BDNF: variants seen among roughly 807,000 people sequenced by gnomAD.
BDNF encodes the protein neurotrophic factor BDNF precursor form.
BDNF carries 1 observed loss-of-function variant against 19.5 expected under a neutral mutation model. That is an observed-to-expected ratio of 0.05 (90% CI 0.02 to 0.24). BDNF has a LOEUF of 0.24. Ranked by LOEUF, BDNF falls within the 10% of genes least tolerant of loss-of-function variation. The pLI, the probability that BDNF is intolerant of heterozygous loss-of-function variation, is 1.00. For synonymous variants in BDNF, 100 were observed against 121.6 expected, an observed-to-expected ratio of 0.82 and a Z score of 1.17; for missense variants, 195 against 317.6, an observed-to-expected ratio of 0.61 and a Z score of 2.93.
At chr11:27,671,586 G>A (rs762226990) in intron 1 of BDNF, among the ~76,000 whole-genome samples, 11 of 152,174 alleles carry the variant, frequency 7.2e-5, no homozygotes, top group Middle Eastern at 3.4e-3. Flanking sequence ...TATAAATTGT[G>A]TATTAATGCA....
At chr11:27,667,099 T>G (rs1854483159) in intron 1 of BDNF, among the ~76,000 whole-genome samples, 2 of 152,032 alleles carry the variant, frequency 1.3e-5, no homozygotes, top group South Asian at 2.1e-4. Flanking sequence ...CAGAAGAGAG[T>G]GGGGGCCAAT....
chr11:27,699,862 G>A (rs1859693798), intron 1 of BDNF, among the ~76,000 whole-genome samples: 2 of 152,156 alleles, frequency 1.3e-5, no homozygotes, highest in African/African-American at 2.4e-5. Flanking sequence ...AGGGCTGCGA[G>A]GGATCCCCGG....
intron 1 of BDNF, chr11:27,675,512 A>AT (rs1315215227): frequency 6.6e-6 from 1 of 152,192 alleles, no homozygotes; most frequent in Non-Finnish European, 1.5e-5. Context: ...AACGCTTTCA[A>AT]TTAAGGCCTA....
At chr11:27,713,348 A>C (rs935377800) in intron 1 of BDNF, among the ~76,000 whole-genome samples, 5 of 152,230 alleles carry the variant, frequency 3.3e-5, no homozygotes, top group African/African-American at 9.6e-5. Flanking sequence ...CAGTCAATTC[A>C]AGAGCCCCTG....
At position 27,656,654 on chromosome 11, in the gene BDNF, G is replaced by A. The variant is rs1310171536; in HGVS notation, c.*1167C>T. 1.9e-5 allele frequency: 19 copies of A among 985,544 alleles called. No homozygotes were observed. Among genetic ancestry groups the A allele is most frequent in the Non-Finnish European group, 2.3e-5 (19 of 829,924 alleles). 61.0% of individuals were successfully genotyped at this position (985,544 alleles called of 1,614,324 possible). On this transcript the variant is annotated 3_prime_UTR_variant, in exon 2 of 2. Transcript: ENST00000356660. ...AATGTGGATTCCTGTTCTGATCTAGGTGTTTCTGGGTTGATACAGGGCTCT... is the reference window on the plus strand; with the variant it reads ...AATGTGGATTCCTGTTCTGATCTAGATGTTTCTGGGTTGATACAGGGCTCT...
At chr11:27,671,567 T>C (rs1477816435) in intron 1 of BDNF, among the ~76,000 whole-genome samples, 1 of 152,192 alleles carries the variant, frequency 6.6e-6, no homozygotes, top group Non-Finnish European at 1.5e-5. Flanking sequence ...TAATTTTTTG[T>C]GTTAAATTTA....
At chr11:27,663,172 A>C (rs1853741744) in intron 1 of BDNF, among the ~76,000 whole-genome samples, 2 of 152,244 alleles carry the variant, frequency 1.3e-5, no homozygotes. Flanking sequence ...CTTCCAGGAC[A>C]ATTCTTCATT....
At chr11:27,659,124 A>T in intron 1 of BDNF, 3 of 1,005,050 alleles carry the variant, frequency 3.0e-6, no homozygotes, top group Non-Finnish European at 3.6e-6. Context: ...GCAGTTGGGG[A>T]ACTATAAGGA....
intron 1 of BDNF, among the ~76,000 whole-genome samples, chr11:27,664,730 C>T (rs1478351492): frequency 1.3e-5 from 2 of 152,120 alleles, no homozygotes; most frequent in African/African-American, 4.8e-5. Context: ...CTACAGTGAG[C>T]GATTGATCAT....
chr11:27,689,380 T>G (rs1564977558), intron 1 of BDNF, among the ~76,000 whole-genome samples: 1 of 152,232 alleles, frequency 6.6e-6, no homozygotes, highest in East Asian at 1.9e-4. Context: ...TTTTATAGAG[T>G]TATTTGTAGG....
At chr11:27,720,331 C>T in intron 1 of BDNF, 1 of 985,850 alleles carries the variant, frequency 1.0e-6, no homozygotes, top group Non-Finnish European at 1.2e-6. Context: ...AAGGGGTCCC[C>T]GCCCTGGTGC....
chr11:27,693,221 A>G (rs1028728494), intron 1 of BDNF, among the ~76,000 whole-genome samples: 9 of 152,344 alleles, frequency 5.9e-5, no homozygotes, highest in African/African-American at 2.2e-4. Context: ...TTTCAGTATT[A>G]TATTTCTAGC....
chr11:27,657,452 T>C lies in BDNF; in HGVS notation c.*369A>G, dbSNP rs974733727. The C allele has an allele frequency of 3.0e-6, 3 of 996,026 alleles. No individual in the cohort carries two copies. The highest frequency in any genetic ancestry group is 6.4e-5 in the Admixed American group (1 of 15,692). The allele number at this position is 996,026 out of a possible 1,614,324, so 61.7% of individuals were successfully genotyped here. On this transcript the variant is annotated 3_prime_UTR_variant, in exon 2 of 2. Transcript: ENST00000356660. The surrounding 1 kb of genome is among the most constrained non-coding windows in gnomAD (Gnocchi z 5.0). ...AATGTTTTGGTTCAAATTTTTGTTG[T>C]GTGTGTGTGTGTTTTTTTTCTGTTT...
chr11:27,690,228 A>G (rs1433036494), intron 1 of BDNF, among the ~76,000 whole-genome samples: 1 of 152,186 alleles, frequency 6.6e-6, no homozygotes, highest in East Asian at 1.9e-4. Context: ...TTTATCAGGT[A>G]CCATTTGTGA....
At chr11:27,678,154 C>T (rs1306721497) in intron 1 of BDNF, among the ~76,000 whole-genome samples, 1 of 152,172 alleles carries the variant, frequency 6.6e-6, no homozygotes, top group Non-Finnish European at 1.5e-5. Flanking sequence ...ATTCAAAAAC[C>T]CTGTTGCCTT....
At chr11:27,712,056 G>T (rs1451316666) in intron 1 of BDNF, among the ~76,000 whole-genome samples, 1 of 152,132 alleles carries the variant, frequency 6.6e-6, no homozygotes, top group Non-Finnish European at 1.5e-5. Flanking sequence ...CTCAGTATTT[G>T]GTCCTTTCCC....
At chr11:27,720,679 T>C in intron 1 of BDNF, 2 of 985,476 alleles carry the variant, frequency 2.0e-6, no homozygotes, top group Non-Finnish European at 2.4e-6. Context: ...ATCCGTTGGC[T>C]CTGTCCAAGG....
At chr11:27,686,738 G>A (rs1172764484) in intron 1 of BDNF, among the ~76,000 whole-genome samples, 1 of 152,132 alleles carries the variant, frequency 6.6e-6, no homozygotes, top group Non-Finnish European at 1.5e-5. Flanking sequence ...ACTCTCTTCT[G>A]GCTTGTAGGC....
intron 1 of BDNF, among the ~76,000 whole-genome samples, chr11:27,670,480 G>C (rs575793669): frequency 2.0e-5 from 3 of 152,224 alleles, no homozygotes; most frequent in Non-Finnish European, 4.4e-5. Flanking sequence ...GAAACCTACG[G>C]AATGGGAGAA....
Sources: allele counts gnomAD v4.1 joint callset (sites outside exome capture counted in the v4.1 genomes callset), GRCh38; gene constraint gnomAD v4.1.1; non-coding constraint Gnocchi (gnomAD v3.1); transcripts MANE v1.5; gene names NCBI Gene and HGNC (gene_info 2026-07-23, HGNC 2026-07-21).